Variants in ASTN2 observed in about 807,000 individuals in gnomAD.
ASTN2 encodes astrotactin 2.
ASTN2 carries 54 observed loss-of-function variants against 139.8 expected under a neutral mutation model. The ratio of observed to expected loss-of-function variants is 0.39; its 90% CI spans 0.31 to 0.48. The LOEUF (loss-of-function observed/expected upper bound fraction) is 0.48, where lower values mean the gene tolerates loss of function less well. Ranked by LOEUF, ASTN2 falls within the 20% of genes least tolerant of loss-of-function variation. ASTN2 has a pLI of 0.95. For synonymous variants in ASTN2, 756 were observed against 719.5 expected, an observed-to-expected ratio of 1.05 and a Z score of -0.81; for missense variants, 1,565 against 1,725.1, an observed-to-expected ratio of 0.91 and a Z score of 1.64.
At chr9:116,755,574 G>C (rs1829512396) in intron 13 of ASTN2, among the ~76,000 whole-genome samples, 1 of 152,184 alleles carries the variant, frequency 6.6e-6, no homozygotes, top group African/African-American at 2.4e-5. Flanking sequence ...TGGACTTTTA[G>C]CCTCCAAAAC....
intron 10 of ASTN2, among the ~76,000 whole-genome samples, chr9:116,943,460 A>G (rs1213942061): frequency 6.6e-6 from 1 of 152,194 alleles, no homozygotes; most frequent in Non-Finnish European, 1.5e-5. Context: ...GAGGTTCTAA[A>G]ATTAGATATT....
intron 10 of ASTN2, among the ~76,000 whole-genome samples, chr9:116,904,973 C>A (rs1330455789): frequency 1.3e-5 from 2 of 152,146 alleles, no homozygotes; most frequent in Non-Finnish European, 2.9e-5. Flanking sequence ...TCCTCCAAGT[C>A]CTCCAAAGGC....
chr9:116,771,197 T>C (rs958121367), intron 13 of ASTN2, among the ~76,000 whole-genome samples: 2 of 152,132 alleles, frequency 1.3e-5, no homozygotes, highest in African/African-American at 4.8e-5. Flanking sequence ...GCTTCCTCTA[T>C]CATCACACAG....
chr9:117,232,564 C>T (rs1832926198), intron 2 of ASTN2, among the ~76,000 whole-genome samples: 1 of 152,196 alleles, frequency 6.6e-6, no homozygotes, highest in African/African-American at 2.4e-5. Context: ...TTGCCAAGTC[C>T]TCCAAACTAA....
intron 17 of ASTN2, among the ~76,000 whole-genome samples, chr9:116,628,139 A>G (rs1230919321): frequency 6.6e-6 from 1 of 152,210 alleles, no homozygotes; most frequent in African/African-American, 2.4e-5. Context: ...CACTGTACAA[A>G]TGAGAATGGA....
chr9:117,060,348 A>AAGAG (rs1440005920), intron 5 of ASTN2, among the ~76,000 whole-genome samples: 1 of 52,680 alleles, frequency 1.9e-5, no homozygotes, highest in African/African-American at 1.0e-4. Context: ...GAAAGAGAGA[A>AAGAG]AGAAAGAAAG....
intron 4 of ASTN2, among the ~76,000 whole-genome samples, chr9:117,106,714 T>C (rs1194309683): frequency 6.6e-6 from 1 of 152,216 alleles, no homozygotes; most frequent in Non-Finnish European, 1.5e-5. Flanking sequence ...CATACGTTTT[T>C]ACAACTAGGT....
chr9:116,615,359 G>C (rs1855787473), intron 19 of ASTN2, among the ~76,000 whole-genome samples: 1 of 152,162 alleles, frequency 6.6e-6, no homozygotes, highest in Non-Finnish European at 1.5e-5. Context: ...ATTTGACCCA[G>C]CCATCCCATT....
intron 16 of ASTN2, among the ~76,000 whole-genome samples, chr9:116,676,899 C>T (rs193047158): frequency 4.1e-4 from 63 of 152,242 alleles, no homozygotes; most frequent in African/African-American, 1.5e-3. Context: ...TCTGAACTAC[C>T]TTGTGGAAAT....
At chr9:116,446,266 G>GAGAGAGAGAC (rs1333198984) in intron 20 of ASTN2, among the ~76,000 whole-genome samples, 1 of 74,338 alleles carries the variant, frequency 1.3e-5, no homozygotes, top group Non-Finnish European at 3.1e-5. Flanking sequence ...GAGAGAGAGA[G>GAGAGAGAGAC]AGAGATAGAG....
chr9:116,840,994 G>A (rs1049513473), intron 11 of ASTN2, among the ~76,000 whole-genome samples: 3 of 152,072 alleles, frequency 2.0e-5, no homozygotes, highest in East Asian at 3.9e-4. Context: ...GGCAGAGGCT[G>A]CAATCTCGGC....
intron 1 of ASTN2, among the ~76,000 whole-genome samples, chr9:117,334,484 CT>C (rs113282368): frequency 4.2e-3 from 593 of 140,106 alleles, no homozygotes; most frequent in Admixed American, 5.2e-3. Flanking sequence ...TATATCAGGG[CT>C]TTTTTTTTTT....
intron 13 of ASTN2, among the ~76,000 whole-genome samples, chr9:116,739,341 T>C (rs1210362026): frequency 1.3e-5 from 2 of 152,198 alleles, no homozygotes; most frequent in African/African-American, 2.4e-5. Flanking sequence ...GCCTACTTAC[T>C]CCTGCTGCCT....
rs192479924 is a variant in ASTN2, at chr9:117,219,395, G to A, written c.631-4653C>T. Reference sequence around the variant, plus strand: ...TGGAAAAAAATGCTGCACGGCAAAAGGGGAGCTGAGGAGGAAGAAAAAGAC... The same window carrying A: ...TGGAAAAAAATGCTGCACGGCAAAAAGGGAGCTGAGGAGGAAGAAAAAGAC... On this transcript the variant is annotated intron_variant, in intron 2 of 22. Coordinates refer to ENST00000313400, the MANE Select transcript of ASTN2 (RefSeq NM_001365068.1). 2.6e-3 allele frequency among the ~76,000 whole-genome samples: 402 copies of A among 152,300 alleles called. 3 individuals are homozygous for A. Among genetic ancestry groups the A allele is most frequent in the Non-Finnish European group, 2.4e-3 (166 of 68,032 alleles).
At chr9:117,300,146 T>C (rs1025293997) in intron 1 of ASTN2, among the ~76,000 whole-genome samples, 7 of 152,210 alleles carry the variant, frequency 4.6e-5, no homozygotes, top group Non-Finnish European at 7.3e-5. Context: ...AATTATCTAC[T>C]GACTATCTGA....
rs541611720 is a variant in ASTN2, at chr9:117,128,727, G to A, written c.1168+12599C>T. On this transcript the variant is annotated intron_variant, in intron 4 of 22. Coordinates refer to ENST00000313400, the MANE Select transcript of ASTN2 (RefSeq NM_001365068.1). ...AGTCCATTTTCAGACTGCTGATAAAGACATACCTGAGACTGGGCAATTTAC... is the reference window on the plus strand; with the variant it reads ...AGTCCATTTTCAGACTGCTGATAAAAACATACCTGAGACTGGGCAATTTAC... Among the ~76,000 whole-genome samples the A allele has an allele frequency of 2.0e-5, 3 of 152,346 alleles. No individual in the cohort carries two copies. In the South Asian group the frequency reaches 6.2e-4, roughly 32 times the overall value.
chr9:116,976,673 C>A (rs759102572), intron 8 of ASTN2, 28 bp downstream of exon 8: 2 of 1,608,846 alleles, frequency 1.2e-6, no homozygotes, highest in Non-Finnish European at 1.7e-6. Flanking sequence ...CCTGCACTGT[C>A]CTGGACCTGA....
chr9:116,639,602 C>T (rs943217955), intron 17 of ASTN2, among the ~76,000 whole-genome samples: 1 of 152,206 alleles, frequency 6.6e-6, no homozygotes, highest in Admixed American at 6.5e-5. Context: ...GAGCCTGCAG[C>T]TTGCTCTTCC....
intron 19 of ASTN2, among the ~76,000 whole-genome samples, chr9:116,565,383 CT>C (rs1853149464): frequency 8.3e-5 from 3 of 36,086 alleles, no homozygotes; most frequent in Admixed American, 4.3e-4. Context: ...CTCTCTCTCT[CT>C]CTCCATATAT....
Sources: gnomAD v4.1 joint callset for allele counts (sites outside exome capture counted in the v4.1 genomes callset) on GRCh38, gnomAD v4.1.1 for gene constraint, MANE v1.5 for transcripts, NCBI Gene and HGNC (gene_info 2026-07-23, HGNC 2026-07-21) for gene names.